PDE10A: variants seen among roughly 807,000 people sequenced by gnomAD.
PDE10A encodes the protein phosphodiesterase 10A, also known as cAMP and cAMP-inhibited cGMP 3',5'-cyclic phosphodiesterase 10A.
PDE10A carries 39 observed loss-of-function variants against 97.7 expected under a neutral mutation model. The ratio of observed to expected loss-of-function variants is 0.40; its 90% CI spans 0.31 to 0.52. The LOEUF (loss-of-function observed/expected upper bound fraction) is 0.52. Ranked by LOEUF, PDE10A falls within the 20% of genes least tolerant of loss-of-function variation. The probability of loss-of-function intolerance (pLI) is 0.56; values close to 1 mark genes in which losing one functional copy is unlikely to be tolerated. For synonymous variants in PDE10A, 371 were observed against 376.8 expected, an observed-to-expected ratio of 0.98 and a Z score of 0.18; for missense variants, 731 against 1,047.8, an observed-to-expected ratio of 0.70 and a Z score of 4.17.
intron 1 of PDE10A, among the ~76,000 whole-genome samples, chr6:165,915,763 T>C (rs1223991293): frequency 6.6e-6 from 1 of 152,228 alleles, no homozygotes; most frequent in Non-Finnish European, 1.5e-5. Flanking sequence ...GGTTACAAAA[T>C]CATGGCCATG....
intron 1 of PDE10A, among the ~76,000 whole-genome samples, chr6:165,764,660 C>T (rs984306072): frequency 3.3e-5 from 5 of 152,148 alleles, no homozygotes; most frequent in African/African-American, 1.2e-4. Flanking sequence ...GTTGTTCCTT[C>T]CTCCTGGCGG....
At chr6:165,408,077 A>G (rs1385039837) in intron 13 of PDE10A, among the ~76,000 whole-genome samples, 2 of 152,232 alleles carry the variant, frequency 1.3e-5, no homozygotes, top group Non-Finnish European at 2.9e-5. Context: ...AAAATATGCC[A>G]TTACATTATC....
At chr6:165,885,144 A>G (rs1035785098) in intron 1 of PDE10A, among the ~76,000 whole-genome samples, 8 of 152,298 alleles carry the variant, frequency 5.3e-5, no homozygotes, top group African/African-American at 1.9e-4. Flanking sequence ...CCAGATGAAC[A>G]TGATGTCTCT....
intron 4 of PDE10A, among the ~76,000 whole-genome samples, chr6:165,449,600 AAAC>A (rs1168742175): frequency 6.6e-6 from 1 of 152,136 alleles, no homozygotes; most frequent in Non-Finnish European, 1.5e-5. Flanking sequence ...GCAATAATAA[AAAC>A]AACCTCCTGA....
chr6:165,410,421 T>C (rs948646091), intron 13 of PDE10A, among the ~76,000 whole-genome samples: 3 of 152,162 alleles, frequency 2.0e-5, no homozygotes, highest in Non-Finnish European at 2.9e-5. Flanking sequence ...TGGAATAAGA[T>C]TGATGCTGAA....
At chr6:165,644,306 C>T (rs909079462) in intron 1 of PDE10A, among the ~76,000 whole-genome samples, 2 of 152,190 alleles carry the variant, frequency 1.3e-5, no homozygotes, top group Non-Finnish European at 2.9e-5. Context: ...CGTGATCTGC[C>T]GGCCTCGGCC....
At chr6:165,974,174 C>A (rs2128502060) in intron 1 of PDE10A, among the ~76,000 whole-genome samples, 1 of 152,314 alleles carries the variant, frequency 6.6e-6, no homozygotes, top group Non-Finnish European at 1.5e-5. Context: ...CCTCCTCTTT[C>A]ATCCATACAT....
chr6:165,907,563 C>T (rs1782328980), intron 1 of PDE10A, among the ~76,000 whole-genome samples: 2 of 152,260 alleles, frequency 1.3e-5, no homozygotes, highest in South Asian at 2.1e-4. Flanking sequence ...AAGTTTGTGG[C>T]CTCAGCTTCC....
Position 165,539,072 on chromosome 6 carries a change from G to A in PDE10A, c.994+4368C>T, listed in dbSNP as rs147410394. On this transcript the variant is annotated intron_variant, in intron 2 of 21. Transcript: ENST00000539869. ...CTATATTTTCTTCTGAGGATGTATC[G>A]GCTTTAATGCTTCCTGAGGAAGTTT... 7.4e-3 allele frequency among the ~76,000 whole-genome samples: 1,120 copies of A among 152,088 alleles called. 15 individuals carry two copies. The highest frequency in any genetic ancestry group is 0.025 in the African/African-American group (1,055 of 41,476).
At position 165,931,802 on chromosome 6, in the gene PDE10A, C is replaced by T. The variant is rs1049769942; in HGVS notation, c.-615+55727G>A. ...TGTCTCCCGACAGTCACTTCTCCTC[C>T]TTCCAAAGCGTGGCTGTGATCCAGT... is the stretch of plus-strand genomic sequence containing the variant. On this transcript the variant is annotated intron_variant, in intron 1 of 19. Coordinates refer to the PDE10A transcript ENST00000366882. 6.6e-5 allele frequency among the ~76,000 whole-genome samples: 10 copies of T among 152,326 alleles called. No homozygotes were observed. In the South Asian group the frequency reaches 2.1e-3, roughly 32 times the overall value.
intron 1 of PDE10A, among the ~76,000 whole-genome samples, chr6:165,669,139 T>C (rs1790577681): frequency 6.6e-6 from 1 of 152,198 alleles, no homozygotes; most frequent in Admixed American, 6.5e-5. Flanking sequence ...TAGAACTTGG[T>C]ATATTAAATC....
At chr6:165,451,323 TA>T (rs1791275891) in intron 3 of PDE10A, among the ~76,000 whole-genome samples, 1 of 152,152 alleles carries the variant, frequency 6.6e-6, no homozygotes, top group African/African-American at 2.4e-5. Context: ...TCTAAAGGAA[TA>T]AAAAACAGTC....
intron 1 of PDE10A, among the ~76,000 whole-genome samples, chr6:165,820,335 C>A (rs1032421603): frequency 3.3e-5 from 5 of 152,198 alleles, no homozygotes; most frequent in Non-Finnish European, 7.4e-5. Flanking sequence ...GAATAGGAAT[C>A]TTTTGTAAGT....
chr6:165,396,592 T>C, intron 13 of PDE10A, 133 bp from the exon 14 acceptor site: 2 of 813,142 alleles, frequency 2.5e-6, no homozygotes, highest in East Asian at 2.7e-5. Context: ...TTATTATCCG[T>C]ATTTCCATAT....
chr6:165,647,427 T>A (rs529652562), intron 1 of PDE10A, among the ~76,000 whole-genome samples: 2 of 152,292 alleles, frequency 1.3e-5, no homozygotes, highest in East Asian at 3.9e-4. Context: ...CAGAGGTGAA[T>A]TCTTTTGGAG....
chr6:165,460,009 C>T (rs1412809637), intron 3 of PDE10A, among the ~76,000 whole-genome samples: 1 of 152,188 alleles, frequency 6.6e-6, no homozygotes, highest in Non-Finnish European at 1.5e-5. Context: ...AATGGGAACC[C>T]GATTTTGGGA....
chr6:165,354,178 T>C (rs1782876481), intron 18 of PDE10A, among the ~76,000 whole-genome samples: 1 of 152,186 alleles, frequency 6.6e-6, no homozygotes, highest in South Asian at 2.1e-4. Context: ...TGATGCCACA[T>C]TGATAAGGAA....
chr6:165,642,568 C>A (rs1288041710), intron 1 of PDE10A, among the ~76,000 whole-genome samples: 1 of 152,192 alleles, frequency 6.6e-6, no homozygotes. Flanking sequence ...GTGGTACGGA[C>A]TGGTTGGAAG....
chr6:165,537,213 A>C (rs553373605), intron 2 of PDE10A, among the ~76,000 whole-genome samples: 1 of 152,102 alleles, frequency 6.6e-6, no homozygotes, highest in Non-Finnish European at 1.5e-5. Context: ...GTTCTTACTC[A>C]TATGTGAGAG....
Sources: allele counts gnomAD v4.1 joint callset (sites outside exome capture counted in the v4.1 genomes callset), GRCh38; gene constraint gnomAD v4.1.1; transcripts MANE v1.5; gene names NCBI Gene and HGNC (gene_info 2026-07-23, HGNC 2026-07-21).